The following PREX2 variants were observed in gnomAD, a reference collection of about 807,000 sequenced individuals.
PREX2 encodes the protein phosphatidylinositol 3,4,5-trisphosphate-dependent Rac exchanger 2 protein.
PREX2 carries 107 observed loss-of-function variants against 203.2 expected under a neutral mutation model. The ratio of observed to expected loss-of-function variants is 0.53; its 90% CI spans 0.45 to 0.62. PREX2 has a LOEUF of 0.62. Ranked by LOEUF, PREX2 falls within the 20% of genes least tolerant of loss-of-function variation. The pLI is 0.00. For missense variants in PREX2, 1,777 were observed against 1,955.9 expected, an observed-to-expected ratio of 0.91 and a Z score of 1.72; for synonymous variants, 672 against 663.6, an observed-to-expected ratio of 1.01 and a Z score of -0.19.
chr8:68,150,009 C>G (rs1811402256), intron 34 of PREX2, among the ~76,000 whole-genome samples: 1 of 152,194 alleles, frequency 6.6e-6, no homozygotes, highest in Non-Finnish European at 1.5e-5. Flanking sequence ...AGGATGCAGG[C>G]TGTCCTTAGG....
intron 38 of PREX2, among the ~76,000 whole-genome samples, chr8:68,218,316 A>G (rs931684511): frequency 6.6e-6 from 1 of 152,210 alleles, no homozygotes; most frequent in African/African-American, 2.4e-5. Context: ...CAGTAGCCCA[A>G]TAGTATTCTA....
At chr8:68,099,876 T>C (rs377423140) in intron 23 of PREX2, 33 bp downstream of exon 23, 7 of 1,511,410 alleles carry the variant, frequency 4.6e-6, no homozygotes, top group Non-Finnish European at 6.4e-6. Context: ...ACACAATTAT[T>C]GTTGAAATTA....
At chr8:68,046,003 C>T (rs948138592) in intron 8 of PREX2, among the ~76,000 whole-genome samples, 1 of 152,000 alleles carries the variant, frequency 6.6e-6, no homozygotes, top group Non-Finnish European at 1.5e-5. Flanking sequence ...AACTTTGAAC[C>T]TGAGTTGGGA....
chr8:68,208,529 G>C (rs1812684516), intron 37 of PREX2, among the ~76,000 whole-genome samples: 1 of 151,998 alleles, frequency 6.6e-6, no homozygotes, highest in Admixed American at 6.6e-5. Context: ...CTCTTATCAG[G>C]TTCAGTGAAT....
intron 11 of PREX2, among the ~76,000 whole-genome samples, chr8:68,067,445 A>G (rs2129611509): frequency 6.6e-6 from 1 of 152,102 alleles, no homozygotes; most frequent in African/African-American, 2.4e-5. Context: ...TTTTCAGTGT[A>G]CAGATCGTTC....
chr8:68,093,573 C>T (rs777951917), intron 20 of PREX2, 32 bp from the exon 21 acceptor site: 25 of 1,088,430 alleles, frequency 2.3e-5, no homozygotes, highest in Admixed American at 1.8e-5. Context: ...AGCACTAATA[C>T]CTCTGAGGTT....
intron 30 of PREX2, among the ~76,000 whole-genome samples, chr8:68,122,953 T>C (rs1810809545): frequency 6.6e-6 from 1 of 152,098 alleles, no homozygotes; most frequent in African/African-American, 2.4e-5. Context: ...GTATGTGCCA[T>C]GTGGTGATGG....
chr8:67,958,713 CT>C (rs1413820587), intron 1 of PREX2, among the ~76,000 whole-genome samples: 2 of 152,046 alleles, frequency 1.3e-5, no homozygotes, highest in Non-Finnish European at 1.5e-5. Flanking sequence ...ACTATGAGGG[CT>C]TTTTTGGGTA....
chr8:68,177,939 G>A (rs913903488), intron 35 of PREX2, among the ~76,000 whole-genome samples: 3 of 152,020 alleles, frequency 2.0e-5, no homozygotes, highest in Admixed American at 1.3e-4. Flanking sequence ...GGCTTCCACC[G>A]TCATCCATGT....
intron 1 of PREX2, among the ~76,000 whole-genome samples, chr8:67,976,872 G>A (rs538646255): frequency 6.2e-4 from 94 of 152,086 alleles, no homozygotes; most frequent in African/African-American, 2.2e-3. Flanking sequence ...GAGGGATGAA[G>A]TGATGGAGCC....
At chr8:68,002,987 T>C (rs4737884) in intron 1 of PREX2, among the ~76,000 whole-genome samples, 108,609 of 152,004 alleles carry the variant, frequency 0.71, 38,818 homozygotes, top group South Asian at 0.83. Flanking sequence ...TCTGGAGGAT[T>C]GGTGCTTACT....
At position 68,100,503 on chromosome 8, in the gene PREX2, A is replaced by T. The variant is rs1000687392; in HGVS notation, c.2715+660A>T. Among the ~76,000 whole-genome samples, 13 of 152,266 alleles carry T rather than the reference A, an allele frequency of 8.5e-5. No individual in the cohort carries two copies. The East Asian group carries it at 2.5e-3, about 29-fold the overall frequency. ...TTTAAGTGCCAGGTTGATCCTTTTGACTCTGTGGCTAGAGAAAGCCCCTTT... is the reference window on the plus strand; with the variant it reads ...TTTAAGTGCCAGGTTGATCCTTTTGTCTCTGTGGCTAGAGAAAGCCCCTTT... On this transcript the variant is annotated intron_variant, in intron 23 of 39. Transcript: ENST00000288368.
intron 39 of PREX2, among the ~76,000 whole-genome samples, chr8:68,228,760 C>T (rs1040995489): frequency 4.3e-5 from 6 of 138,866 alleles, no homozygotes; most frequent in Admixed American, 7.9e-5. Flanking sequence ...AGCGAGACTC[C>T]GTCTCTAAAT....
rs1813173994 is a variant in PREX2, at chr8:68,231,683, T to C, written c.*305T>C. 7.7e-6 allele frequency: 2 copies of C among 259,944 alleles called. No homozygotes were observed. The highest frequency in any genetic ancestry group is 1.4e-5 in the Non-Finnish European group (2 of 138,398). 16.1% of individuals were successfully genotyped at this position (259,944 alleles called of 1,614,324 possible). ...GACATAAAGAAAAAAATATTAGAGA[T>C]TTAAAAATTAACCACCATGCCTCCT... On this transcript the variant is annotated 3_prime_UTR_variant, in exon 40 of 40. Coordinates refer to ENST00000288368, the MANE Select transcript of PREX2 (RefSeq NM_024870.4).
intron 34 of PREX2, among the ~76,000 whole-genome samples, chr8:68,147,539 C>T (rs539254151): frequency 2.6e-5 from 4 of 152,296 alleles, no homozygotes; most frequent in Admixed American, 6.5e-5. Context: ...ACTTGCCCTT[C>T]ACCTTCCACT....
chr8:68,115,646 T>A (rs2129612977), intron 25 of PREX2, 107 bp from the exon 26 acceptor site: 1 of 677,130 alleles, frequency 1.5e-6, no homozygotes, highest in East Asian at 3.0e-5. Context: ...TATGAAACAT[T>A]GAAGCACTCT....
In PREX2 at chr8:68,138,406, T is replaced by A. The variant is rs750577465; in HGVS notation, c.3985-9T>A. 6.8e-7 allele frequency: 1 copy of A among 1,463,848 alleles called. No individual in the cohort carries two copies. The highest frequency in any genetic ancestry group is 1.4e-5 in the African/African-American group (1 of 71,068). 90.7% of individuals were successfully genotyped at this position (1,463,848 alleles called of 1,614,324 possible). A position where few individuals can be genotyped will look rare whatever the true frequency, so the allele number is the denominator to read the frequency against. On this transcript the variant is annotated splice_polypyrimidine_tract_variant and intron_variant, in intron 32 of 39. Coordinates refer to ENST00000288368, the MANE Select transcript of PREX2 (RefSeq NM_024870.4). ...TCTTGTATTATATATTGTTTTTCTT[T>A]CTTTGTAGACAGATGAACAAGCCAT... is the stretch of plus-strand genomic sequence containing the variant.
intron 35 of PREX2, among the ~76,000 whole-genome samples, chr8:68,170,118 C>T (rs962061576): frequency 2.3e-4 from 35 of 152,236 alleles, no homozygotes; most frequent in Admixed American, 1.9e-3. Context: ...TGGATGCACT[C>T]AAGTCATAGG....
chr8:68,213,304 CTT>C (rs1400134401), intron 37 of PREX2, among the ~76,000 whole-genome samples: 2 of 152,292 alleles, frequency 1.3e-5, no homozygotes, highest in Non-Finnish European at 2.9e-5. Flanking sequence ...AGTTAAAACA[CTT>C]TGCTTTTGCA....
Sources: gnomAD v4.1 joint callset for allele counts (sites outside exome capture counted in the v4.1 genomes callset) on GRCh38, gnomAD v4.1.1 for gene constraint, MANE v1.5 for transcripts, NCBI Gene and HGNC (gene_info 2026-07-23, HGNC 2026-07-21) for gene names.